The following GNB1 variants were observed in gnomAD, a reference collection of about 807,000 sequenced individuals.
GNB1 encodes guanine nucleotide-binding protein G(I)/G(S)/G(T) subunit beta-1.
GNB1 carries 2 observed loss-of-function variants against 42.9 expected under a neutral mutation model. The ratio of observed to expected loss-of-function variants is 0.05; its 90% CI spans 0.02 to 0.15. The LOEUF (loss-of-function observed/expected upper bound fraction) is 0.15, where lower values mean the gene tolerates loss of function less well. Ranked by LOEUF, GNB1 falls within the 10% of genes least tolerant of loss-of-function variation. The probability of loss-of-function intolerance (pLI) is 1.00; values close to 1 mark genes in which losing one functional copy is unlikely to be tolerated. For missense variants in GNB1, 193 were observed against 462.2 expected, an observed-to-expected ratio of 0.42 and a Z score of 5.34; for synonymous variants, 183 against 174.7, an observed-to-expected ratio of 1.05 and a Z score of -0.38.
At chr1:1,814,618 A>C (rs747024739) in intron 5 of GNB1, among the ~76,000 whole-genome samples, 3 of 151,968 alleles carry the variant, frequency 2.0e-5, no homozygotes, top group Non-Finnish European at 4.4e-5. Context: ...TCAGCAACAA[A>C]GGGAGACCCT....
chr1:1,848,269 C>T (rs1040303613), intron 1 of GNB1, among the ~76,000 whole-genome samples: 24 of 148,876 alleles, frequency 1.6e-4, no homozygotes, highest in Non-Finnish European at 3.3e-4. Context: ...ATCCCAGCTA[C>T]TTGGGAGGCT....
intron 1 of GNB1, among the ~76,000 whole-genome samples, chr1:1,869,599 T>C (rs544970536): frequency 2.6e-5 from 4 of 152,198 alleles, no homozygotes; most frequent in Non-Finnish European, 5.9e-5. Flanking sequence ...AACAAGGAGG[T>C]GGCAGTAGAG....
At chr1:1,884,011 G>A (rs1650006856) in intron 1 of GNB1, among the ~76,000 whole-genome samples, 1 of 150,628 alleles carries the variant, frequency 6.6e-6, no homozygotes, top group Non-Finnish European at 1.5e-5. Flanking sequence ...TGTTGCCCAG[G>A]CTGCAGTACA....
chr1:1,860,603 C>G (rs1557935400), intron 1 of GNB1, among the ~76,000 whole-genome samples: 2 of 148,840 alleles, frequency 1.3e-5, no homozygotes, highest in South Asian at 4.3e-4. Flanking sequence ...CGCCACTGCA[C>G]TCCAGCCTGG....
chr1:1,799,220 C>T (rs1646590997), intron 7 of GNB1, among the ~76,000 whole-genome samples: 1 of 152,130 alleles, frequency 6.6e-6, no homozygotes, highest in South Asian at 2.1e-4. Flanking sequence ...GCGCCCAGCC[C>T]ACAAACACTC....
At chr1:1,851,303 G>A (rs1245729501) in intron 1 of GNB1, among the ~76,000 whole-genome samples, 2 of 151,966 alleles carry the variant, frequency 1.3e-5, no homozygotes, top group Non-Finnish European at 2.9e-5. Flanking sequence ...CCAGCTACTC[G>A]GGAGGCTGAG....
Position 1,785,800 on chromosome 1 carries a change from G to C in GNB1, c.*1263C>G, listed in dbSNP as rs1646397830. On this transcript the variant is annotated 3_prime_UTR_variant, in exon 12 of 12. Coordinates refer to ENST00000378609, the MANE Select transcript of GNB1 (RefSeq NM_002074.5). ...AATCCAACAGCAGTCGTTTGCAACA[G>C]AACTTTTTTTTTTTTAAAGAAATAA... The C allele has an allele frequency of 2.9e-6, 1 of 345,628 alleles. No individual in the cohort carries two copies. Among genetic ancestry groups the C allele is most frequent in the Non-Finnish European group, 5.2e-6 (1 of 194,140 alleles). The allele number at this position is 345,628 out of a possible 1,614,324, so 21.4% of individuals were successfully genotyped here.
At chr1:1,890,195 G>C (rs1346949512) in intron 1 of GNB1, among the ~76,000 whole-genome samples, 1 of 152,136 alleles carries the variant, frequency 6.6e-6, no homozygotes, top group Non-Finnish European at 1.5e-5. Context: ...TGCCTCAGCG[G>C]CTCGACACAG....
chr1:1,787,949 A>G lies in GNB1; in HGVS notation c.917-512T>C, dbSNP rs1646428566. 1 of 151,954 alleles carries G rather than the reference A, an allele frequency of 6.6e-6. No individual in the cohort carries two copies. Among genetic ancestry groups the G allele is most frequent in the Admixed American group, 6.6e-5 (1 of 15,236 alleles). 9.4% of individuals were successfully genotyped at this position (151,954 alleles called of 1,614,324 possible). A position where few individuals can be genotyped will look rare whatever the true frequency, so the allele number is the denominator to read the frequency against. On this transcript the variant is annotated intron_variant, in intron 10 of 11. Transcript: ENST00000378609. The surrounding 1 kb of genome is among the most constrained non-coding windows in gnomAD (Gnocchi z 4.4). The stretch of plus-strand genomic sequence containing the variant: ...GAGGCTAGGGTAGGAGAATCATTGG[A>G]ACCCAGGAGGTGGAGCTTGCAGTGA...
At chr1:1,817,645 C>T (rs1646875262) in intron 4 of GNB1, 192 bp downstream of exon 4, 2 of 484,066 alleles carry the variant, frequency 4.1e-6, no homozygotes, top group African/African-American at 3.8e-5. Context: ...CTTGAGATAT[C>T]TCATTTTTAT....
intron 5 of GNB1, among the ~76,000 whole-genome samples, chr1:1,809,790 C>T (rs1363022215): frequency 2.0e-5 from 3 of 152,180 alleles, no homozygotes; most frequent in Admixed American, 6.5e-5. Flanking sequence ...GCTGGGTTCA[C>T]GTTGCCTAGT....
At position 1,787,087 on chromosome 1, in the gene GNB1, G is replaced by T; in HGVS notation, c.*10-34C>A. On this transcript the variant is annotated intron_variant, in intron 11 of 11. Coordinates refer to ENST00000378609, the MANE Select transcript of GNB1 (RefSeq NM_002074.5). This position sits in a 1 kb window ranked among gnomAD's most constrained non-coding sequence, Gnocchi z 4.4. ...AACAGAGTTTAAAGAAATGTGAAAA[G>T]AGGCAGAGAATCTAAGTGCAGACGC... The T allele has an allele frequency of 2.6e-6, 1 of 386,516 alleles. No individual in the cohort carries two copies. Among genetic ancestry groups the T allele is most frequent in the Non-Finnish European group, 4.7e-6 (1 of 210,854 alleles). The allele number at this position is 386,516 out of a possible 1,614,324, so 23.9% of individuals were successfully genotyped here.
At chr1:1,860,449 CA>C (rs1648556945) in intron 1 of GNB1, among the ~76,000 whole-genome samples, 2 of 151,622 alleles carry the variant, frequency 1.3e-5, no homozygotes, top group Admixed American at 6.6e-5. Flanking sequence ...AAAAATTAGT[CA>C]AAAAATAAAT....
chr1:1,811,094 T>G (rs1646771714), intron 5 of GNB1, among the ~76,000 whole-genome samples: 1 of 148,770 alleles, frequency 6.7e-6, no homozygotes, highest in Non-Finnish European at 1.5e-5. Context: ...TTTTTTTTTT[T>G]TCTTTTTTTG....
chr1:1,805,390 G>C (rs1400274324), intron 6 of GNB1, among the ~76,000 whole-genome samples: 2 of 151,544 alleles, frequency 1.3e-5, no homozygotes, highest in Non-Finnish European at 2.9e-5. Context: ...GAACCAGGGG[G>C]GTGGAGGCTG....
At chr1:1,855,685 G>A (rs1308936593) in intron 1 of GNB1, among the ~76,000 whole-genome samples, 2 of 151,406 alleles carry the variant, frequency 1.3e-5, no homozygotes, top group South Asian at 2.1e-4. Context: ...CAGCCTGGGT[G>A]ACAGCGAGAC....
intron 5 of GNB1, among the ~76,000 whole-genome samples, chr1:1,813,641 C>G (rs2100828289): frequency 6.6e-6 from 1 of 152,172 alleles, no homozygotes; most frequent in East Asian, 1.9e-4. Flanking sequence ...CAGGTGCGCA[C>G]CACAACAACC....
chr1:1,815,845 G>C lies in GNB1; in HGVS notation c.114C>G (p.Asp38Glu). The change falls in exon 5 of 12, where the codon GAC becomes GAG. Residue 38 changes from aspartate to glutamate, a missense_variant. Physicochemically the swap from Asp to Glu is conservative, Grantham distance 45. Transcript: ENST00000378609. The stretch of plus-strand genomic sequence containing the variant: ...TGCGCATTTGGATTCTTCCCACTGG[G>C]TCGATGTTGTTTGTGATCTTGAAAA... ...ATLSQITNNI[D>E]PVGRIQMRTR... is the part of the protein sequence containing the mutation. 6.2e-7 allele frequency: 1 copy of C among 1,600,462 alleles called. No homozygotes were observed. The highest frequency in any genetic ancestry group is 8.6e-7 in the Non-Finnish European group (1 of 1,167,532).
At chr1:1,872,443 C>T (rs541708369) in intron 1 of GNB1, among the ~76,000 whole-genome samples, 1 of 152,220 alleles carries the variant, frequency 6.6e-6, no homozygotes, top group Non-Finnish European at 1.5e-5. Flanking sequence ...CTGTCCTGGG[C>T]AAACTGGGCC....
Sources: allele counts gnomAD v4.1 joint callset (sites outside exome capture counted in the v4.1 genomes callset), GRCh38; gene constraint gnomAD v4.1.1; non-coding constraint Gnocchi (gnomAD v3.1); transcripts MANE v1.5; gene names NCBI Gene and HGNC (gene_info 2026-07-23, HGNC 2026-07-21).